Variants in DYM observed in about 807,000 individuals in gnomAD.
DYM encodes the protein dymeclin.
A neutral mutation model predicts 93.1 loss-of-function variants in DYM; 78 were observed. The ratio of observed to expected loss-of-function variants is 0.84; its 90% CI spans 0.70 to 1.01. DYM has a LOEUF of 1.01. Ranked by LOEUF, DYM falls within the 50% of genes least tolerant of loss-of-function variation. The pLI, the probability that DYM is intolerant of heterozygous loss-of-function variation, is 0.00. For missense variants in DYM, 789 were observed against 845.0 expected, an observed-to-expected ratio of 0.93 and a Z score of 0.82; for synonymous variants, 321 against 319.7, an observed-to-expected ratio of 1.00 and a Z score of -0.04.
At chr18:49,101,591 C>T (rs1053634258) in intron 16 of DYM, among the ~76,000 whole-genome samples, 5 of 152,136 alleles carry the variant, frequency 3.3e-5, no homozygotes, top group Non-Finnish European at 7.4e-5. Flanking sequence ...AGGCAAAATG[C>T]TTGCTTGCTA....
intron 5 of DYM, among the ~76,000 whole-genome samples, chr18:49,369,738 T>C (rs1192135355): frequency 8.9e-6 from 1 of 112,042 alleles, no homozygotes; most frequent in East Asian, 2.6e-4. Context: ...CACAAAATAA[T>C]TTTTTAAAAA....
At chr18:49,458,785 GC>G (rs1394269749) in intron 1 of DYM, among the ~76,000 whole-genome samples, 4 of 152,218 alleles carry the variant, frequency 2.6e-5, no homozygotes, top group African/African-American at 9.7e-5. Flanking sequence ...GTTGCCGTGA[GC>G]CGGGATCACG....
chr18:49,161,832 T>A (rs2087189661), intron 15 of DYM, among the ~76,000 whole-genome samples: 1 of 152,224 alleles, frequency 6.6e-6, no homozygotes, highest in Admixed American at 6.5e-5. Context: ...CTGGACTGGG[T>A]ACTGTTCCCA....
intron 3 of DYM, among the ~76,000 whole-genome samples, chr18:49,389,075 C>A (rs75194125): frequency 0.095 from 14,383 of 151,928 alleles, 872 homozygotes; most frequent in East Asian, 0.31. Context: ...CATGTTGCTG[C>A]GTGTAAACAA....
rs2066179230 is a variant in DYM, at chr18:49,363,100, T to A, written c.494+61A>T. 5 of 1,347,966 alleles carry A rather than the reference T, an allele frequency of 3.7e-6. No individual in the cohort carries two copies. The East Asian group carries it at 9.2e-5, about 25-fold the overall frequency. The allele number at this position is 1,347,966 out of a possible 1,614,324, so 83.5% of individuals were successfully genotyped here. ...AGGACCCACAAACTTCTCAACATGATCAATGATTATCTGCCATATACAAAG... is the reference window on the plus strand; with the variant it reads ...AGGACCCACAAACTTCTCAACATGAACAATGATTATCTGCCATATACAAAG... On this transcript the variant is annotated intron_variant, in intron 6 of 17. Transcript: ENST00000675505.
intron 2 of DYM, among the ~76,000 whole-genome samples, chr18:49,402,726 A>G (rs2070996872): frequency 6.6e-6 from 1 of 152,230 alleles, no homozygotes; most frequent in African/African-American, 2.4e-5. Flanking sequence ...TCATGTTTAA[A>G]ACATATACAC....
At position 49,257,111 on chromosome 18, in the gene DYM, G is replaced by A; in HGVS notation, c.1366-7C>T. 2 of 1,603,630 alleles carry A rather than the reference G, an allele frequency of 1.2e-6. No homozygotes were observed. The highest frequency in any genetic ancestry group is 1.7e-6 in the Non-Finnish European group (2 of 1,170,530). On this transcript the variant is annotated splice_polypyrimidine_tract_variant and splice_region_variant and intron_variant, in intron 12 of 17. Coordinates refer to ENST00000675505, the MANE Select transcript of DYM (RefSeq NM_001353214.3). ...TTGTGTGAAGGTACTTGTCCTGTGA[G>A]GAAACAGCGGGTGTAAAACATACAA... is the stretch of plus-strand genomic sequence containing the variant.
At chr18:49,385,277 C>T (rs1424083883) in intron 3 of DYM, among the ~76,000 whole-genome samples, 1 of 152,204 alleles carries the variant, frequency 6.6e-6, no homozygotes, top group African/African-American at 2.4e-5. Context: ...TTCCTCATCC[C>T]TCACCTACAG....
rs1467349224 is a variant in DYM at position 49,130,507 on chromosome 18, G to A, written c.1729-11581C>T. 2.0e-5 allele frequency among the ~76,000 whole-genome samples: 3 copies of A among 152,132 alleles called. No homozygotes were observed. In the East Asian group the frequency reaches 5.8e-4, roughly 29 times the overall value. ...TATCTTTGGTAAATTGTCTGTTTGT[G>A]TCTATTGTGCATTATTCTTTTGAGT... On this transcript the variant is annotated intron_variant, in intron 15 of 17. Transcript: ENST00000675505.
chr18:49,460,196 C>T (rs560236730), intron 1 of DYM, among the ~76,000 whole-genome samples: 148 of 152,316 alleles, frequency 9.7e-4, no homozygotes, highest in African/African-American at 2.8e-3. Context: ...ACAGCGGACT[C>T]GGACAGAGGT....
chr18:49,258,861 G>GC, intron 11 of DYM, among the ~76,000 whole-genome samples: 5 of 112,332 alleles, frequency 4.5e-5, no homozygotes, highest in African/African-American at 1.2e-4. Flanking sequence ...GAGAGAGAGA[G>GC]AGAGAGAGAG....
At chr18:49,301,032 G>A (rs2146176515) in intron 8 of DYM, among the ~76,000 whole-genome samples, 1 of 152,256 alleles carries the variant, frequency 6.6e-6, no homozygotes, top group East Asian at 1.9e-4. Context: ...CTAAGGAGAG[G>A]AATAAGATGG....
At chr18:49,267,978 C>G (rs972475751) in intron 11 of DYM, among the ~76,000 whole-genome samples, 2 of 152,142 alleles carry the variant, frequency 1.3e-5, no homozygotes, top group African/African-American at 2.4e-5. Flanking sequence ...CTACAGTTGC[C>G]ATTGGGGAAA....
At chr18:49,230,027 C>G (rs1598780918) in intron 13 of DYM, among the ~76,000 whole-genome samples, 1 of 152,064 alleles carries the variant, frequency 6.6e-6, no homozygotes, top group South Asian at 2.1e-4. Context: ...CAAAGGAAAA[C>G]TAAATAACAG....
intron 11 of DYM, among the ~76,000 whole-genome samples, chr18:49,261,934 C>G (rs1020914535): frequency 6.6e-6 from 1 of 151,378 alleles, no homozygotes; most frequent in African/African-American, 2.4e-5. Context: ...TGTAAAAAAC[C>G]AAAAACCAGC....
chr18:49,438,426 G>A (rs779479719), intron 1 of DYM, among the ~76,000 whole-genome samples: 3 of 151,992 alleles, frequency 2.0e-5, no homozygotes, highest in East Asian at 1.9e-4. Flanking sequence ...AATAACAGGC[G>A]GCCAGAAGCT....
At chr18:49,227,767 C>G (rs899977870) in intron 13 of DYM, among the ~76,000 whole-genome samples, 1 of 152,150 alleles carries the variant, frequency 6.6e-6, no homozygotes, top group Non-Finnish European at 1.5e-5. Flanking sequence ...GAAGTATCAG[C>G]CTGACTGCCA....
At chr18:49,441,283 A>T (rs1025656653) in intron 1 of DYM, among the ~76,000 whole-genome samples, 39 of 30,562 alleles carry the variant, frequency 1.3e-3, no homozygotes, top group Non-Finnish European at 1.7e-3. Context: ...ATATTATATA[A>T]TTATATATAA....
intron 17 of DYM, among the ~76,000 whole-genome samples, chr18:49,057,334 G>C (rs917315420): frequency 6.6e-6 from 1 of 152,254 alleles, no homozygotes; most frequent in African/African-American, 2.4e-5. Context: ...CACCTCTGCA[G>C]ACTGCTGCTC....
Sources: allele counts gnomAD v4.1 joint callset (sites outside exome capture counted in the v4.1 genomes callset), GRCh38; gene constraint gnomAD v4.1.1; transcripts MANE v1.5; gene names NCBI Gene and HGNC (gene_info 2026-07-23, HGNC 2026-07-21).